SIMC1: variants seen among roughly 807,000 people sequenced by gnomAD.
SIMC1 encodes the protein SUMO-interacting motif-containing protein 1.
Under a neutral mutation model 82.3 loss-of-function variants are expected in SIMC1, and 55 were observed. The ratio of observed to expected loss-of-function variants is 0.67; its 90% CI spans 0.54 to 0.84. SIMC1 has a LOEUF of 0.84. SIMC1 is among the 40% of genes least tolerant of loss of function. SIMC1 has a pLI of 0.00. For synonymous variants in SIMC1, 353 were observed against 426.3 expected, an observed-to-expected ratio of 0.83 and a Z score of 2.12; for missense variants, 915 against 1,107.2, an observed-to-expected ratio of 0.83 and a Z score of 2.46.
chr5:176,252,896 G>A (rs1459322907), intron 1 of SIMC1, among the ~76,000 whole-genome samples: 1 of 152,240 alleles, frequency 6.6e-6, no homozygotes, highest in African/African-American at 2.4e-5. Flanking sequence ...CCAGCACCTC[G>A]GGAGGCTGAG....
chr5:176,272,198 AGGT>A (rs1407484609), intron 1 of SIMC1, among the ~76,000 whole-genome samples: 2 of 116,924 alleles, frequency 1.7e-5, no homozygotes, highest in South Asian at 2.8e-4. Context: ...AAAAAAAAAA[AGGT>A]GGGCATGGTG....
rs183821713 is a variant in SIMC1 at position 176,264,290 on chromosome 5, A to G, written c.130-25364A>G. ...CAGTAGGGACTCTATGGGGGCTCCA[A>G]CCCCACATTTCCCCTTGGCACTGCC... On this transcript the variant is annotated intron_variant, in intron 1 of 9. Transcript: ENST00000429602. 2.5e-3 allele frequency among the ~76,000 whole-genome samples: 378 copies of G among 152,194 alleles called. 2 individuals are homozygous for G. The highest frequency in any genetic ancestry group is 8.6e-3 in the African/African-American group (357 of 41,522).
At chr5:176,329,334 G>A (rs931376042) in intron 7 of SIMC1, among the ~76,000 whole-genome samples, 8 of 152,138 alleles carry the variant, frequency 5.3e-5, no homozygotes, top group East Asian at 1.9e-4. Context: ...AGCCGGGTGC[G>A]GTGGCGGGCG....
intron 1 of SIMC1, among the ~76,000 whole-genome samples, chr5:176,274,494 A>G (rs1055841117): frequency 1.3e-5 from 2 of 151,652 alleles, no homozygotes; most frequent in African/African-American, 2.4e-5. Flanking sequence ...TGCTGTGCAG[A>G]AGCTCTTTAG....
intron 1 of SIMC1, among the ~76,000 whole-genome samples, chr5:176,275,668 A>G (rs563897191): frequency 6.6e-6 from 1 of 151,860 alleles, no homozygotes; most frequent in African/African-American, 2.4e-5. Flanking sequence ...ATTTATTGAG[A>G]GTTTTTAGCA....
intron 9 of SIMC1, among the ~76,000 whole-genome samples, chr5:176,340,941 G>A (rs568887027): frequency 2.9e-4 from 44 of 152,326 alleles, no homozygotes; most frequent in African/African-American, 1.0e-3. Flanking sequence ...GAGGTCAGGA[G>A]TTCAAGACCA....
rs936013362 is a variant in SIMC1 at position 176,280,476 on chromosome 5, T to G, written c.130-9178T>G. 1.1e-3 allele frequency among the ~76,000 whole-genome samples: 175 copies of G among 152,304 alleles called. 1 individual carries two copies. The highest frequency in any genetic ancestry group is 3.1e-3 in the Admixed American group (47 of 15,292). ...GTTATGTGTGAATTTGAACCTGTCATTATGATGTTAGCTGGTTATTTTGCT... is the reference window on the plus strand; with the variant it reads ...GTTATGTGTGAATTTGAACCTGTCAGTATGATGTTAGCTGGTTATTTTGCT... On this transcript the variant is annotated intron_variant, in intron 1 of 9. Coordinates refer to ENST00000429602, the MANE Select transcript of SIMC1 (RefSeq NM_001308195.2).
intron 1 of SIMC1, among the ~76,000 whole-genome samples, chr5:176,273,801 A>G (rs909824728): frequency 2.0e-5 from 3 of 152,058 alleles, no homozygotes; most frequent in African/African-American, 7.2e-5. Flanking sequence ...GATGATTTCC[A>G]GTTTCATCCA....
intron 1 of SIMC1, among the ~76,000 whole-genome samples, chr5:176,272,714 G>A (rs1421092582): frequency 6.6e-6 from 1 of 152,170 alleles, no homozygotes; most frequent in Non-Finnish European, 1.5e-5. Flanking sequence ...GATGGCACCT[G>A]GAAAATGGGG....
At chr5:176,288,225 T>C (rs1763383105) in intron 1 of SIMC1, among the ~76,000 whole-genome samples, 3 of 152,088 alleles carry the variant, frequency 2.0e-5, no homozygotes, top group Admixed American at 2.0e-4. Flanking sequence ...CTGGCCAACA[T>C]GGTGAAACCT....
intron 1 of SIMC1, among the ~76,000 whole-genome samples, chr5:176,288,793 G>A (rs949402661): frequency 1.3e-5 from 2 of 152,192 alleles, no homozygotes; most frequent in South Asian, 2.1e-4. Context: ...TAAAGTACCA[G>A]TGGCAGTAGT....
At chr5:176,257,084 TTA>T (rs75560046) in intron 1 of SIMC1, among the ~76,000 whole-genome samples, 21,377 of 152,100 alleles carry the variant, frequency 0.14, 1,511 homozygotes, top group Middle Eastern at 0.21. Flanking sequence ...CCAAATTATT[TTA>T]TTTACTTGTG....
rs190102747 is a variant in SIMC1, at chr5:176,303,392, A to G, written c.1734+7072A>G. 6.1e-4 allele frequency among the ~76,000 whole-genome samples: 92 copies of G among 149,918 alleles called. No individual in the cohort carries two copies. The East Asian group carries it at 0.017, about 28-fold the overall frequency. ...GCCCAGGCTACAGTGTGATGGCGCA[A>G]TCTCAGCTCACTACAACCTCCGCCT... On this transcript the variant is annotated intron_variant, in intron 4 of 9. Transcript: ENST00000429602.
chr5:176,342,668 C>G (rs1766201725), intron 9 of SIMC1, among the ~76,000 whole-genome samples: 1 of 152,174 alleles, frequency 6.6e-6, no homozygotes, highest in South Asian at 2.1e-4. Flanking sequence ...TTGCTGTTCT[C>G]CATGGACTGC....
In SIMC1 at chr5:176,313,673, T is replaced by C; in HGVS notation, c.1735-18T>C. 4.3e-6 allele frequency: 7 copies of C among 1,613,040 alleles called. No individual in the cohort carries two copies. Among genetic ancestry groups the C allele is most frequent in the Non-Finnish European group, 5.9e-6 (7 of 1,179,306 alleles). ...GAGACTGAGAAGAAAGACTGACTTC[T>C]CATTCTTTTTCCCACAGGGACAAAC... On this transcript the variant is annotated intron_variant, in intron 4 of 9. Transcript: ENST00000429602.
chr5:176,313,961 G>A, intron 5 of SIMC1, 116 bp downstream of exon 5: 1 of 1,325,064 alleles, frequency 7.5e-7, no homozygotes, highest in Non-Finnish European at 1.0e-6. Context: ...AGTGTAATAG[G>A]GCTAATTTTT....
intron 1 of SIMC1, among the ~76,000 whole-genome samples, chr5:176,269,661 T>A (rs1348200794): frequency 6.6e-6 from 1 of 152,230 alleles, no homozygotes; most frequent in African/African-American, 2.4e-5. Flanking sequence ...CTCAAGTTAT[T>A]TTATTAAATC....
intron 9 of SIMC1, among the ~76,000 whole-genome samples, chr5:176,337,355 A>T (rs1405246703): frequency 6.6e-6 from 1 of 152,194 alleles, no homozygotes; most frequent in Non-Finnish European, 1.5e-5. Context: ...TGGTCCTCAT[A>T]GTTGTAAGAT....
intron 1 of SIMC1, among the ~76,000 whole-genome samples, chr5:176,252,232 C>T (rs1283717938): frequency 6.7e-6 from 1 of 149,496 alleles, no homozygotes; most frequent in South Asian, 2.1e-4. Flanking sequence ...CCCCACCTCC[C>T]TCCCGGACGG....
Sources: allele counts gnomAD v4.1 joint callset (sites outside exome capture counted in the v4.1 genomes callset), GRCh38; gene constraint gnomAD v4.1.1; transcripts MANE v1.5; gene names NCBI Gene and HGNC (gene_info 2026-07-23, HGNC 2026-07-21).